The following MAST4 variants were observed in gnomAD, a reference collection of about 807,000 sequenced individuals.
MAST4 encodes microtubule-associated serine/threonine-protein kinase 4.
In MAST4, 89 loss-of-function variants were observed where a neutral mutation model predicts 162.7. That is an observed-to-expected ratio of 0.55 (90% CI 0.46 to 0.65). The LOEUF is 0.65. MAST4 is among the 30% of genes least tolerant of loss of function. MAST4 has a pLI of 0.00. For missense variants in MAST4, 3,153 were observed against 3,374.0 expected, an observed-to-expected ratio of 0.93 and a Z score of 1.62; for synonymous variants, 1,479 against 1,361.1, an observed-to-expected ratio of 1.09 and a Z score of -1.91.
At chr5:66,825,131 A>T (rs1311129874) in intron 3 of MAST4, among the ~76,000 whole-genome samples, 1 of 152,158 alleles carries the variant, frequency 6.6e-6, no homozygotes, top group Non-Finnish European at 1.5e-5. Context: ...AAAAACTTTT[A>T]AATTCTTTCG....
At chr5:66,760,097 T>G (rs1753772083) in intron 2 of MAST4, among the ~76,000 whole-genome samples, 2 of 150,684 alleles carry the variant, frequency 1.3e-5, no homozygotes, top group Non-Finnish European at 3.0e-5. Flanking sequence ...ATTTATTTAT[T>G]TATTTATTTA....
intron 1 of MAST4, among the ~76,000 whole-genome samples, chr5:66,708,640 C>A (rs975013562): frequency 2.0e-5 from 3 of 152,256 alleles, no homozygotes; most frequent in Admixed American, 6.5e-5. Context: ...TTATTATGAG[C>A]ACCAAGCATT....
At chr5:67,056,875 G>A (rs1245674656) in intron 5 of MAST4, among the ~76,000 whole-genome samples, 2 of 146,494 alleles carry the variant, frequency 1.4e-5, no homozygotes, top group Non-Finnish European at 3.0e-5. Context: ...TTTTTTTTTT[G>A]TATTTTTAGT....
At chr5:66,775,569 TA>T (rs1375933312) in intron 2 of MAST4, among the ~76,000 whole-genome samples, 1 of 152,192 alleles carries the variant, frequency 6.6e-6, no homozygotes, top group Non-Finnish European at 1.5e-5. Flanking sequence ...TTTCTCATCT[TA>T]AAAACAAGGG....
rs190726788 is a variant in MAST4, at chr5:67,115,919, A to G, written c.1591+1700A>G. Reference sequence around the variant, plus strand: ...AATAGTTGGAATGGGGGAGGCTGTCAAAGTAGATTATAGCGACTCTTCACG... The same window carrying G: ...AATAGTTGGAATGGGGGAGGCTGTCGAAGTAGATTATAGCGACTCTTCACG... On this transcript the variant is annotated intron_variant, in intron 12 of 28. Transcript: ENST00000403625. Among the ~76,000 whole-genome samples the G allele has an allele frequency of 8.1e-4, 124 of 152,264 alleles. 1 individual carries two copies. The East Asian group carries it at 0.022, about 27-fold the overall frequency.
chr5:66,894,977 G>T (rs456625), intron 3 of MAST4, among the ~76,000 whole-genome samples: 3 of 151,778 alleles, frequency 2.0e-5, no homozygotes, highest in Non-Finnish European at 4.4e-5. Context: ...AGGTATGTGG[G>T]GGCAGTTAGA....
At chr5:67,082,431 C>A (rs568235291) in intron 5 of MAST4, among the ~76,000 whole-genome samples, 2 of 152,116 alleles carry the variant, frequency 1.3e-5, no homozygotes, top group South Asian at 4.1e-4. Flanking sequence ...CCGTGGCCAG[C>A]CTACCTGCAG....
chr5:66,822,338 A>G (rs1293135702), intron 3 of MAST4, among the ~76,000 whole-genome samples: 1 of 152,204 alleles, frequency 6.6e-6, no homozygotes, highest in Non-Finnish European at 1.5e-5. Context: ...CTTCAATGGT[A>G]AGTTCCAGAA....
At chr5:67,024,336 T>TACACAC (rs775487954) in intron 4 of MAST4, among the ~76,000 whole-genome samples, 66 of 141,202 alleles carry the variant, frequency 4.7e-4, no homozygotes, top group South Asian at 3.5e-3. Context: ...TATATATATA[T>TACACAC]ACACACACAC....
intron 4 of MAST4, among the ~76,000 whole-genome samples, chr5:66,913,449 G>A (rs1188721988): frequency 6.6e-6 from 1 of 152,182 alleles, no homozygotes; most frequent in Non-Finnish European, 1.5e-5. Context: ...CATAGCATAT[G>A]TCAATCATTT....
intron 1 of MAST4, among the ~76,000 whole-genome samples, chr5:66,684,297 G>A (rs1748502367): frequency 6.6e-6 from 1 of 152,280 alleles, no homozygotes; most frequent in Non-Finnish European, 1.5e-5. Flanking sequence ...TTAGAGGAAA[G>A]GGAAGGAATC....
At chr5:66,667,072 G>T (rs1747310016) in intron 1 of MAST4, among the ~76,000 whole-genome samples, 2 of 152,192 alleles carry the variant, frequency 1.3e-5, no homozygotes, top group Non-Finnish European at 2.9e-5. Context: ...GGGCTAAGGG[G>T]AAGAGCATAT....
chr5:67,030,584 T>C (rs1453033315), intron 4 of MAST4, among the ~76,000 whole-genome samples: 1 of 152,184 alleles, frequency 6.6e-6, no homozygotes, highest in South Asian at 2.1e-4. Context: ...TAAGGGGTGA[T>C]ATTTAAAATA....
rs139983174 is a variant in MAST4 at position 66,706,277 on chromosome 5, C to T, written c.364-53432C>T. ...GAGACCTTAGATGAGCGAATCCATG[C>T]ATTTGATGATGGCTGTAATCCACAC... On this transcript the variant is annotated intron_variant, in intron 1 of 28. Coordinates refer to ENST00000403625, the MANE Select transcript of MAST4 (RefSeq NM_001164664.2). Among the ~76,000 whole-genome samples the T allele has an allele frequency of 3.6e-3, 541 of 152,238 alleles. 1 individual carries two copies. The highest frequency in any genetic ancestry group is 0.014 in the Middle Eastern group (4 of 294).
At chr5:66,916,142 T>C (rs1157293984) in intron 4 of MAST4, among the ~76,000 whole-genome samples, 1 of 152,250 alleles carries the variant, frequency 6.6e-6, no homozygotes, top group Non-Finnish European at 1.5e-5. Context: ...TTAAATGTTA[T>C]GAAAATTATG....
chr5:67,041,341 C>T (rs979906209), intron 4 of MAST4, among the ~76,000 whole-genome samples: 2 of 152,152 alleles, frequency 1.3e-5, no homozygotes, highest in African/African-American at 4.8e-5. Flanking sequence ...ACCAATTATA[C>T]TTCTTACTGG....
intron 11 of MAST4, among the ~76,000 whole-genome samples, chr5:67,110,848 A>G (rs1165015140): frequency 6.6e-6 from 1 of 152,088 alleles, no homozygotes; most frequent in Non-Finnish European, 1.5e-5. Flanking sequence ...ACATGGTGAC[A>G]CTTGGTCTCT....
intron 1 of MAST4, among the ~76,000 whole-genome samples, chr5:66,752,311 C>A (rs4558946): frequency 0.033 from 4,959 of 149,480 alleles, 92 homozygotes; most frequent in Middle Eastern, 0.08. Context: ...CTTTAAATGT[C>A]AATGGACTAA....
intron 4 of MAST4, among the ~76,000 whole-genome samples, chr5:66,950,160 G>A (rs2150127361): frequency 6.6e-6 from 1 of 151,980 alleles, no homozygotes; most frequent in Non-Finnish European, 1.5e-5. Flanking sequence ...AATAGCATAG[G>A]TTGCTATTAG....
Sources: allele counts gnomAD v4.1 joint callset (sites outside exome capture counted in the v4.1 genomes callset), GRCh38; gene constraint gnomAD v4.1.1; transcripts MANE v1.5; gene names NCBI Gene and HGNC (gene_info 2026-07-23, HGNC 2026-07-21).